Variants in PIP4P2 observed in about 807,000 individuals in gnomAD.
The protein encoded by PIP4P2 is phosphatidylinositol-4,5-bisphosphate 4-phosphatase 2.
A neutral mutation model predicts 33.3 loss-of-function variants in PIP4P2; 19 were observed. The ratio of observed to expected loss-of-function variants is 0.57; its 90% CI spans 0.40 to 0.84. The LOEUF (loss-of-function observed/expected upper bound fraction) is 0.84, where lower values mean the gene tolerates loss of function less well. Ranked by LOEUF, PIP4P2 falls within the 40% of genes least tolerant of loss-of-function variation. The pLI, the probability that PIP4P2 is intolerant of heterozygous loss-of-function variation, is 0.00. For synonymous variants in PIP4P2, 110 were observed against 111.9 expected (o/e 0.98, Z 0.11); for missense variants, 270 against 324.7 (o/e 0.83, Z 1.29).
At chr8:91,012,586 A>G (rs529999457) in intron 4 of PIP4P2, among the ~76,000 whole-genome samples, 2 of 152,236 alleles carry the variant, frequency 1.3e-5, no homozygotes, top group East Asian at 3.9e-4. Context: ...AAAACTTCCT[A>G]TAAAATTTTG....
intron 4 of PIP4P2, 79 bp downstream of exon 4, chr8:91,018,311 A>G (rs1586180692): frequency 5.7e-6 from 9 of 1,581,644 alleles, no homozygotes; most frequent in Admixed American, 5.4e-5. Flanking sequence ...GGACAAAACT[A>G]TAAGACTATG....
At chr8:91,010,247 T>C (rs968742485) in intron 4 of PIP4P2, among the ~76,000 whole-genome samples, 10 of 151,898 alleles carry the variant, frequency 6.6e-5, no homozygotes, top group African/African-American at 2.2e-4. Flanking sequence ...GGATAGTTAC[T>C]GAACTTGTAA....
chr8:91,034,172 G>T (rs1038349770), intron 1 of PIP4P2, among the ~76,000 whole-genome samples: 1 of 151,948 alleles, frequency 6.6e-6, no homozygotes, highest in Non-Finnish European at 1.5e-5. Flanking sequence ...AAATTATAAC[G>T]CTTACTGTAT....
chr8:91,031,244 T>G (rs1386159161), intron 1 of PIP4P2, among the ~76,000 whole-genome samples: 1 of 152,216 alleles, frequency 6.6e-6, no homozygotes, highest in Non-Finnish European at 1.5e-5. Flanking sequence ...GTTACAAAAC[T>G]TTAAAATAAC....
chr8:91,007,704 G>A (rs1485244880), intron 5 of PIP4P2, among the ~76,000 whole-genome samples: 1 of 152,174 alleles, frequency 6.6e-6, no homozygotes, highest in Non-Finnish European at 1.5e-5. Flanking sequence ...TGCTTGTAAG[G>A]TTGGCCCTTA....
intron 1 of PIP4P2, among the ~76,000 whole-genome samples, chr8:91,028,398 C>A (rs183660321): frequency 2.6e-5 from 4 of 152,234 alleles, no homozygotes; most frequent in Admixed American, 2.6e-4. Flanking sequence ...AGACTGTGTA[C>A]TGGGGAAAAG....
chr8:91,017,568 T>C (rs946066153), intron 4 of PIP4P2, among the ~76,000 whole-genome samples: 17 of 152,072 alleles, frequency 1.1e-4, no homozygotes, highest in Non-Finnish European at 2.2e-4. Context: ...ACTATATACA[T>C]AAAGTTCTTT....
intron 4 of PIP4P2, among the ~76,000 whole-genome samples, chr8:91,012,056 T>C (rs1328988542): frequency 1.3e-5 from 2 of 151,974 alleles, no homozygotes; most frequent in Non-Finnish European, 2.9e-5. Flanking sequence ...AGGAAAAGCA[T>C]TTCCTATGTG....
intron 1 of PIP4P2, among the ~76,000 whole-genome samples, chr8:91,033,932 G>A (rs1321373142): frequency 6.6e-6 from 1 of 152,048 alleles, no homozygotes; most frequent in Non-Finnish European, 1.5e-5. Context: ...GGCATGAGCC[G>A]CAGTGCCCAG....
chr8:90,998,255 T>C (rs1408621999), intron 5 of PIP4P2, among the ~76,000 whole-genome samples: 1 of 152,078 alleles, frequency 6.6e-6, no homozygotes, highest in Non-Finnish European at 1.5e-5. Flanking sequence ...GTCAAAAGTT[T>C]CTAAGTGAAT....
At chr8:91,023,663 A>G (rs1425619928) in intron 1 of PIP4P2, among the ~76,000 whole-genome samples, 2 of 152,004 alleles carry the variant, frequency 1.3e-5, no homozygotes, top group Non-Finnish European at 2.9e-5. Context: ...AGCAGTGAAG[A>G]TTATAAATCT....
Position 91,020,346 on chromosome 8 carries a change from A to T in PIP4P2, c.256-83T>A, listed in dbSNP as rs552674274. 1.7e-5 allele frequency: 21 copies of T among 1,259,244 alleles called. No homozygotes were observed. The Admixed American group carries it at 3.8e-4, about 23-fold the overall frequency. The allele number at this position is 1,259,244 out of a possible 1,614,324, so 78.0% of individuals were successfully genotyped here. On this transcript the variant is annotated intron_variant, in intron 2 of 6. Transcript: ENST00000285419. ...TTTGTTTGTGTTTAAAAAGGAAAGGATTCCATTAAAACTAATGAAATATAT... is the reference window on the plus strand; with the variant it reads ...TTTGTTTGTGTTTAAAAAGGAAAGGTTTCCATTAAAACTAATGAAATATAT...
chr8:91,031,466 CT>C (rs1812163521), intron 1 of PIP4P2, among the ~76,000 whole-genome samples: 1 of 152,160 alleles, frequency 6.6e-6, no homozygotes, highest in Non-Finnish European at 1.5e-5. Flanking sequence ...AATTCTCCCC[CT>C]GTGGAAATCA....
At chr8:91,018,773 GT>G (rs1811956597) in intron 3 of PIP4P2, 2 of 329,642 alleles carry the variant, frequency 6.1e-6, no homozygotes, top group Non-Finnish European at 1.1e-5. Flanking sequence ...TCATTTCCAA[GT>G]TTTTGTAAGT....
Position 90,995,621 on chromosome 8 carries a change from T to C in PIP4P2, c.*56A>G, listed in dbSNP as rs1811617794. The C allele has an allele frequency of 6.4e-7, 1 of 1,558,002 alleles. No homozygotes were observed. Among genetic ancestry groups the C allele is most frequent in the African/African-American group, 1.4e-5 (1 of 72,144 alleles). On this transcript the variant is annotated 3_prime_UTR_variant, in exon 7 of 7. Transcript: ENST00000285419. ...ATAAATAATTTAAAGATGTCCAGAG[T>C]AGCTTACCAAGAACTGCTAGACACT...
intron 4 of PIP4P2, among the ~76,000 whole-genome samples, chr8:91,009,246 A>C (rs910915134): frequency 1.3e-5 from 2 of 152,104 alleles, no homozygotes; most frequent in Non-Finnish European, 2.9e-5. Flanking sequence ...CCAAGTACAT[A>C]AACTAAAAAG....
chr8:91,006,414 G>C (rs1162165102), intron 5 of PIP4P2, among the ~76,000 whole-genome samples: 1 of 152,156 alleles, frequency 6.6e-6, no homozygotes, highest in Non-Finnish European at 1.5e-5. Context: ...TTAATACACT[G>C]TCTTGTGATA....
rs184062299 is a variant in PIP4P2, at chr8:90,995,864, A to G, written c.631-44T>C. 102 of 1,553,148 alleles carry G rather than the reference A, an allele frequency of 6.6e-5. No individual in the cohort carries two copies. In the East Asian group the frequency reaches 2.4e-3, roughly 36 times the overall value. On this transcript the variant is annotated intron_variant, in intron 6 of 6. Coordinates refer to ENST00000285419, the MANE Select transcript of PIP4P2 (RefSeq NM_018710.3). Reference sequence around the variant, plus strand: ...TAAAAACAAAATATTAGAAACTTTAAAAAATATCTGCTTAGGGAACTTGTA... The same window carrying G: ...TAAAAACAAAATATTAGAAACTTTAGAAAATATCTGCTTAGGGAACTTGTA...
In PIP4P2 at chr8:91,013,036, T is replaced by C. The variant is rs1437402895; in HGVS notation, c.487-4241A>G. Among the ~76,000 whole-genome samples, 3 of 152,174 alleles carry C rather than the reference T, an allele frequency of 2.0e-5. No homozygotes were observed. The South Asian group carries it at 6.2e-4, about 31-fold the overall frequency. ...ACAGTCAATTCTCTCTCAAATTCTT[T>C]ATGCTATTCTTGACTATCATCATCA... On this transcript the variant is annotated intron_variant, in intron 4 of 6. Coordinates refer to ENST00000285419, the MANE Select transcript of PIP4P2 (RefSeq NM_018710.3).
Sources: gnomAD v4.1 joint callset for allele counts (sites outside exome capture counted in the v4.1 genomes callset) on GRCh38, gnomAD v4.1.1 for gene constraint, MANE v1.5 for transcripts, NCBI Gene and HGNC (gene_info 2026-07-23, HGNC 2026-07-21) for gene names.